Variants in LOC128462377 observed in about 807,000 individuals in gnomAD.
chr16:89,395,813 C>G, the LOC128462377 span: 1 of 152,186 alleles, frequency 6.6e-6, no homozygotes, highest in Admixed American at 6.5e-5. Context: ...TGGGTGACAC[C>G]GCACTGATGA....
chr16:89,358,658 G>A, the LOC128462377 span, among the ~76,000 whole-genome samples: 1 of 152,068 alleles, frequency 6.6e-6, no homozygotes, highest in Non-Finnish European at 1.5e-5. Flanking sequence ...GTTTACCCAG[G>A]ATGCTGCCTG....
the LOC128462377 span, among the ~76,000 whole-genome samples, chr16:89,381,354 A>AAAAAAAAAAAAAAAAAAAAG: frequency 1.6e-5 from 2 of 125,346 alleles, 1 homozygote; most frequent in African/African-American, 6.6e-5. Flanking sequence ...AAAAAAAAAA[A>AAAAAAAAAAAAAAAAAAAAG]GGGGTGAGAA....
At chr16:89,324,880 G>A in the LOC128462377 span, 1 of 243,082 alleles carries the variant, frequency 4.1e-6, no homozygotes, top group South Asian at 4.6e-5. Context: ...TCATGACTGT[G>A]TGAGTCAATA....
At chr16:89,325,651 G>A in the LOC128462377 span, among the ~76,000 whole-genome samples, 4 of 152,220 alleles carry the variant, frequency 2.6e-5, no homozygotes, top group Non-Finnish European at 4.4e-5. Flanking sequence ...ACGGTGAAAC[G>A]GGTTCTAAGT....
At chr16:89,345,075 C>T in the LOC128462377 span, among the ~76,000 whole-genome samples, 31 of 152,262 alleles carry the variant, frequency 2.0e-4, no homozygotes, top group Non-Finnish European at 3.8e-4. Context: ...GTTTCTCAAC[C>T]ACTCCCTGCT....
the LOC128462377 span, among the ~76,000 whole-genome samples, chr16:89,380,908 T>A: frequency 6.6e-6 from 1 of 152,308 alleles, no homozygotes; most frequent in Non-Finnish European, 1.5e-5. Context: ...AGAGGACAGC[T>A]GAGGCAGGCA....
the LOC128462377 span, among the ~76,000 whole-genome samples, chr16:89,374,945 G>C: frequency 1.2e-4 from 18 of 152,188 alleles, 1 homozygote; most frequent in East Asian, 3.9e-4. Flanking sequence ...GTCAGAAAAA[G>C]TATGTCATGA....
the LOC128462377 span, among the ~76,000 whole-genome samples, chr16:89,317,627 T>C: frequency 6.6e-6 from 1 of 152,124 alleles, no homozygotes; most frequent in Non-Finnish European, 1.5e-5. Flanking sequence ...AAGGGGTGTC[T>C]CTGAGCGAGT....
At chr16:89,379,301 T>G in the LOC128462377 span, among the ~76,000 whole-genome samples, 1 of 152,338 alleles carries the variant, frequency 6.6e-6, no homozygotes, top group East Asian at 1.9e-4. Flanking sequence ...CTTGTGCCAG[T>G]TCCTAAGTGG....
chr16:89,362,923 G>A, the LOC128462377 span, among the ~76,000 whole-genome samples: 11 of 151,978 alleles, frequency 7.2e-5, no homozygotes, highest in South Asian at 2.1e-4. Flanking sequence ...GTGAGGTCCC[G>A]TTCCAGCCAA....
At chr16:89,403,918 G>A in the LOC128462377 span, among the ~76,000 whole-genome samples, 3 of 152,244 alleles carry the variant, frequency 2.0e-5, no homozygotes, top group South Asian at 6.2e-4. Flanking sequence ...AGCAAGACTT[G>A]TCTCTTAAAA....
the LOC128462377 span, among the ~76,000 whole-genome samples, chr16:89,333,436 C>T: frequency 1.3e-5 from 2 of 152,124 alleles, no homozygotes; most frequent in East Asian, 1.9e-4. Flanking sequence ...GTTGGACGAA[C>T]GTATCCTGAT....
At chr16:89,356,979 T>G in the LOC128462377 span, among the ~76,000 whole-genome samples, 2 of 152,072 alleles carry the variant, frequency 1.3e-5, no homozygotes, top group Non-Finnish European at 2.9e-5. Context: ...CTTGGAGGGG[T>G]TGGTGGCTGC....
the LOC128462377 span, among the ~76,000 whole-genome samples, chr16:89,383,674 C>CA: frequency 2.6e-5 from 4 of 152,140 alleles, no homozygotes; most frequent in Admixed American, 2.6e-4. Context: ...CTCGGACCAG[C>CA]AACGCAGCAG....
chr16:89,368,175 T>C, the LOC128462377 span, among the ~76,000 whole-genome samples: 2 of 151,864 alleles, frequency 1.3e-5, no homozygotes, highest in South Asian at 2.1e-4. Context: ...TCCAACATAC[T>C]CTGTCCACTC....
At chr16:89,317,665 C>T in the LOC128462377 span, among the ~76,000 whole-genome samples, 7 of 152,334 alleles carry the variant, frequency 4.6e-5, no homozygotes, top group Middle Eastern at 0.017. Context: ...CCCAACTCCA[C>T]GCCCATGGAA....
the LOC128462377 span, among the ~76,000 whole-genome samples, chr16:89,374,646 G>A: frequency 6.6e-6 from 1 of 152,186 alleles, no homozygotes; most frequent in Non-Finnish European, 1.5e-5. Flanking sequence ...TCTCCCGCGT[G>A]CTACGATCAG....
At chr16:89,417,470 G>A in the LOC128462377 span, among the ~76,000 whole-genome samples, 4 of 152,126 alleles carry the variant, frequency 2.6e-5, no homozygotes, top group South Asian at 4.1e-4. Flanking sequence ...ACAGCGACAC[G>A]TGCTTGCTCA....
At chr16:89,377,841 C>T in the LOC128462377 span, among the ~76,000 whole-genome samples, 1 of 151,980 alleles carries the variant, frequency 6.6e-6, no homozygotes, top group African/African-American at 2.4e-5. Flanking sequence ...GCCTCTCCTG[C>T]CTCCCCTTCT....
Sources: allele counts gnomAD v4.1 joint callset (sites outside exome capture counted in the v4.1 genomes callset), GRCh38; gene constraint gnomAD v4.1.1; transcripts MANE v1.5.